The following CSNK1G1 variants were observed in gnomAD, a reference collection of about 807,000 sequenced individuals.
CSNK1G1 encodes casein kinase I isoform gamma-1.
Under a neutral mutation model 59.6 loss-of-function variants are expected in CSNK1G1, and 22 were observed. That is an observed-to-expected ratio of 0.37 (90% CI 0.26 to 0.53). The LOEUF (loss-of-function observed/expected upper bound fraction) is 0.53, where lower values mean the gene tolerates loss of function less well. CSNK1G1 is among the 20% of genes least tolerant of loss of function. CSNK1G1 has a pLI of 0.89. For synonymous variants in CSNK1G1, 179 were observed against 177.1 expected (o/e 1.01, Z -0.08); for missense variants, 384 against 519.5 (o/e 0.74, Z 2.54).
chr15:64,244,764 G>A (rs1246576387), intron 4 of CSNK1G1, among the ~76,000 whole-genome samples: 1 of 152,022 alleles, frequency 6.6e-6, no homozygotes, highest in Non-Finnish European at 1.5e-5. Flanking sequence ...GCTGTAGTGA[G>A]CCGTGATCAC....
intron 2 of CSNK1G1, among the ~76,000 whole-genome samples, chr15:64,284,994 T>C (rs1035182460): frequency 1.3e-5 from 2 of 152,116 alleles, no homozygotes; most frequent in African/African-American, 2.4e-5. Context: ...AATAAAACTA[T>C]TGAAAAATAT....
chr15:64,204,329 A>G lies in CSNK1G1; in HGVS notation c.999+112T>C, dbSNP rs186764660. ...AAATATACAGTCTACGATCAAAGGA[A>G]TATTTTTACCAAAGATTCAAGCAGA... On this transcript the variant is annotated intron_variant, in intron 9 of 11. Transcript: ENST00000303052. The G allele has an allele frequency of 7.2e-4, 661 of 921,754 alleles. 4 individuals carry two copies. The highest frequency in any genetic ancestry group is 2.4e-3 in the Middle Eastern group (8 of 3,392). The allele number at this position is 921,754 out of a possible 1,614,324, so 57.1% of individuals were successfully genotyped here. A position where few individuals can be genotyped will look rare whatever the true frequency, so the allele number is the denominator to read the frequency against.
At chr15:64,276,726 A>AGGAGAT (rs1893637882) in intron 2 of CSNK1G1, among the ~76,000 whole-genome samples, 1 of 152,168 alleles carries the variant, frequency 6.6e-6, no homozygotes, top group African/African-American at 2.4e-5. Flanking sequence ...CAGGTGGATC[A>AGGAGAT]CGAGGTCAGG....
At chr15:64,180,655 T>G (rs957438006) in intron 10 of CSNK1G1, among the ~76,000 whole-genome samples, 36 of 152,178 alleles carry the variant, frequency 2.4e-4, no homozygotes, top group African/African-American at 7.7e-4. Context: ...TGATAATAAC[T>G]TACATACTGA....
At chr15:64,259,521 C>CAT (rs1892580306) in intron 2 of CSNK1G1, among the ~76,000 whole-genome samples, 1 of 148,988 alleles carries the variant, frequency 6.7e-6, no homozygotes, top group African/African-American at 2.5e-5. Flanking sequence ...CACACACACA[C>CAT]ACATGCATGC....
intron 1 of CSNK1G1, among the ~76,000 whole-genome samples, chr15:64,352,196 T>C (rs7181698): frequency 0.93 from 141,485 of 151,802 alleles, 66,513 homozygotes; most frequent in East Asian, 1. Flanking sequence ...TTCCAGCTTA[T>C]TCAGGAGGCT....
chr15:64,266,926 G>A (rs192278041), intron 2 of CSNK1G1, among the ~76,000 whole-genome samples: 1 of 152,208 alleles, frequency 6.6e-6, no homozygotes, highest in African/African-American at 2.4e-5. Flanking sequence ...AAAACACAAG[G>A]GAAATGCTTC....
chr15:64,263,184 C>A lies in CSNK1G1; in HGVS notation c.182-3943G>T, dbSNP rs552092138. On this transcript the variant is annotated intron_variant, in intron 2 of 11. Coordinates refer to ENST00000303052, the MANE Select transcript of CSNK1G1 (RefSeq NM_022048.5). ...AGGAGTCTCATCATTCAGTGTGCAA[C>A]CTTTTTCTTTTTTCTTTTTTTTGAG... 2.0e-5 allele frequency among the ~76,000 whole-genome samples: 3 copies of A among 151,448 alleles called. No individual in the cohort carries two copies. In the East Asian group the frequency reaches 5.8e-4, roughly 29 times the overall value.
chr15:64,193,148 TTTC>T (rs1296806128), intron 10 of CSNK1G1, among the ~76,000 whole-genome samples: 1 of 152,070 alleles, frequency 6.6e-6, no homozygotes, highest in African/African-American at 2.4e-5. Flanking sequence ...AATATTAAAA[TTTC>T]TTTTTTTTCT....
intron 2 of CSNK1G1, among the ~76,000 whole-genome samples, chr15:64,283,624 C>T (rs1894259657): frequency 6.6e-6 from 1 of 151,508 alleles, no homozygotes; most frequent in South Asian, 2.1e-4. Context: ...GCTGGGATTA[C>T]AGAAGCACAC....
In CSNK1G1 at chr15:64,317,401, T is replaced by C. The variant is rs552404816; in HGVS notation, c.-224-16678A>G. On this transcript the variant is annotated intron_variant, in intron 1 of 11. Coordinates refer to ENST00000303052, the MANE Select transcript of CSNK1G1 (RefSeq NM_022048.5). ...ACTGTGCCCGGCCTAAAGTTTTCTATAGAATTTTTGTAGAGTCTTTATCAG... is the reference window on the plus strand; with the variant it reads ...ACTGTGCCCGGCCTAAAGTTTTCTACAGAATTTTTGTAGAGTCTTTATCAG... Among the ~76,000 whole-genome samples, 16 of 151,906 alleles carry C rather than the reference T, an allele frequency of 1.1e-4. No individual in the cohort carries two copies. In the South Asian group the frequency reaches 1.9e-3, roughly 18 times the overall value.
intron 2 of CSNK1G1, among the ~76,000 whole-genome samples, chr15:64,270,792 C>T (rs1427426132): frequency 1.3e-5 from 2 of 151,124 alleles, no homozygotes; most frequent in African/African-American, 4.9e-5. Flanking sequence ...TGAGCTGTGT[C>T]CCAGAGACTC....
At chr15:64,246,062 T>A (rs558970313) in intron 4 of CSNK1G1, among the ~76,000 whole-genome samples, 14 of 152,274 alleles carry the variant, frequency 9.2e-5, no homozygotes, top group Middle Eastern at 3.4e-3. Context: ...ATTTATTGTA[T>A]ATTTCAAAAT....
At chr15:64,180,264 T>G in intron 11 of CSNK1G1, 84 bp downstream of exon 11, 1 of 1,003,764 alleles carries the variant, frequency 1.0e-6, no homozygotes, top group Non-Finnish European at 1.6e-6. Context: ...AAATCCAGTC[T>G]GAGACGAGCA....
At chr15:64,259,523 C>T (rs1041768217) in intron 2 of CSNK1G1, among the ~76,000 whole-genome samples, 15 of 148,258 alleles carry the variant, frequency 1.0e-4, no homozygotes, top group South Asian at 2.1e-4. Context: ...CACACACACA[C>T]ATGCATGCAT....
chr15:64,274,246 A>G (rs1022216948), intron 2 of CSNK1G1, among the ~76,000 whole-genome samples: 5 of 152,326 alleles, frequency 3.3e-5, no homozygotes, highest in African/African-American at 1.2e-4. Context: ...GCATCATTAA[A>G]ATTTTACAGG....
intron 2 of CSNK1G1, among the ~76,000 whole-genome samples, chr15:64,291,777 G>C (rs1894754032): frequency 6.6e-6 from 1 of 152,000 alleles, no homozygotes; most frequent in South Asian, 2.1e-4. Context: ...TCATTGACTT[G>C]GAGTGGAAAA....
At chr15:64,326,643 C>CAA (rs780561572) in intron 1 of CSNK1G1, among the ~76,000 whole-genome samples, 3 of 138,106 alleles carry the variant, frequency 2.2e-5, no homozygotes, top group South Asian at 2.3e-4. Flanking sequence ...AACTCTGTAT[C>CAA]AAAAAAAAAA....
rs1415328132 is a variant in CSNK1G1, at chr15:64,200,829, G to A, written c.1107+2253C>T. ...GGATGTGAAGTAGATTTATAACCAT[G>A]CCTTTATAGGTGGATAGGCAGATCA... On this transcript the variant is annotated intron_variant, in intron 10 of 11. Coordinates refer to ENST00000303052, the MANE Select transcript of CSNK1G1 (RefSeq NM_022048.5). The surrounding 1 kb of genome is among the most constrained non-coding windows in gnomAD (Gnocchi z 4.3). 6.6e-6 allele frequency among the ~76,000 whole-genome samples: 1 copy of A among 152,146 alleles called. No homozygotes were observed. The highest frequency in any genetic ancestry group is 2.4e-5 in the African/African-American group (1 of 41,438).
Sources: allele counts gnomAD v4.1 joint callset (sites outside exome capture counted in the v4.1 genomes callset), GRCh38; gene constraint gnomAD v4.1.1; non-coding constraint Gnocchi (gnomAD v3.1); transcripts MANE v1.5; gene names NCBI Gene and HGNC (gene_info 2026-07-23, HGNC 2026-07-21).